Variants in DCUN1D1 observed in about 807,000 individuals in gnomAD.
DCUN1D1 encodes the protein defective in cullin neddylation 1 domain containing 1.
In DCUN1D1, 3 loss-of-function variants were observed where a neutral mutation model predicts 39.0. That is an observed-to-expected ratio of 0.08 (90% confidence interval 0.04 to 0.20). The LOEUF (loss-of-function observed/expected upper bound fraction) is 0.20, where lower values mean the gene tolerates loss of function less well. DCUN1D1 is among the 10% of genes least tolerant of loss of function. The probability of loss-of-function intolerance (pLI) is 1.00; values close to 1 mark genes in which losing one functional copy is unlikely to be tolerated. For missense variants in DCUN1D1, 158 were observed against 302.4 expected, an observed-to-expected ratio of 0.52 and a Z score of 3.54; for synonymous variants, 82 against 96.3, an observed-to-expected ratio of 0.85 and a Z score of 0.87.
Position 182,965,756 on chromosome 3 carries a change from A to G in DCUN1D1, c.4-3T>C, listed in dbSNP as rs143412605. Reference sequence around the variant, plus strand: ...TTCTGCGATGATTTCAACTTGTTCTATTGAAACCAGAAAATAAACTGAAAC... The same window carrying G: ...TTCTGCGATGATTTCAACTTGTTCTGTTGAAACCAGAAAATAAACTGAAAC... On this transcript the variant is annotated splice_polypyrimidine_tract_variant and splice_region_variant and intron_variant, in intron 1 of 6. Transcript: ENST00000292782. The G allele has an allele frequency of 1.1e-3, 1,706 of 1,599,378 alleles. 21 individuals carry two copies. The Admixed American group carries it at 0.016, about 15-fold the overall frequency.
upstream of DCUN1D1, among the ~76,000 whole-genome samples, chr3:182,984,653 GA>G (rs1728668803): frequency 6.6e-6 from 1 of 151,894 alleles, no homozygotes; most frequent in African/African-American, 2.4e-5. Context: ...CTAAAACGAT[GA>G]AAAAATTAAT....
At chr3:182,947,760 C>T (rs1448253049) in intron 4 of DCUN1D1, 128 bp from the exon 5 acceptor site, 2 of 577,942 alleles carry the variant, frequency 3.5e-6, no homozygotes, top group East Asian at 6.4e-5. Flanking sequence ...ATCCTGAATA[C>T]TTATGTATTA....
At chr3:182,984,720 T>G (rs550183423), upstream of DCUN1D1, among the ~76,000 whole-genome samples, 1 of 152,298 alleles carries the variant, frequency 6.6e-6, no homozygotes, top group African/African-American at 2.4e-5. Flanking sequence ...AAATTCATAT[T>G]AAGACATAAT....
rs954395720 is a variant in DCUN1D1, at chr3:182,938,167, A to AT, written c.*6926dup. On this transcript the variant is annotated 3_prime_UTR_variant, in exon 7 of 7. Coordinates refer to ENST00000292782, the MANE Select transcript of DCUN1D1 (RefSeq NM_020640.4). The stretch of plus-strand genomic sequence containing the variant: ...TAACTTGAAAAATATATTCGTTAGA[A>AT]TTTTTTTATTAAGTACATCAAAATT... 6.6e-6 allele frequency: 1 copy of AT among 152,142 alleles called. No individual in the cohort carries two copies. The highest frequency in any genetic ancestry group is 6.6e-5 in the Admixed American group (1 of 15,246). The allele number at this position is 152,142 out of a possible 1,614,324, so 9.4% of individuals were successfully genotyped here.
upstream of DCUN1D1, among the ~76,000 whole-genome samples, chr3:182,982,061 C>T (rs898053496): frequency 1.3e-5 from 2 of 152,204 alleles, no homozygotes; most frequent in African/African-American, 2.4e-5. Flanking sequence ...TTCACTGTAT[C>T]TCTTACTCCA....
At chr3:182,977,042 T>C (rs999552602) in intron 1 of DCUN1D1, among the ~76,000 whole-genome samples, 3 of 152,234 alleles carry the variant, frequency 2.0e-5, no homozygotes, top group Non-Finnish European at 2.9e-5. Flanking sequence ...GATCACCCAT[T>C]AATATGAATT....
At chr3:182,967,859 T>A (rs114549896) in intron 1 of DCUN1D1, among the ~76,000 whole-genome samples, 1,607 of 152,334 alleles carry the variant, frequency 0.011, 30 homozygotes, top group African/African-American at 0.037. Flanking sequence ...CCATTTTGAT[T>A]CCAACTTTTG....
intron 1 of DCUN1D1, among the ~76,000 whole-genome samples, chr3:182,967,354 G>A (rs1014359677): frequency 2.2e-4 from 34 of 151,994 alleles, no homozygotes; most frequent in African/African-American, 8.2e-4. Flanking sequence ...TCATGAATCT[G>A]AGTAATCTTT....
chr3:182,945,894 G>C (rs1272028299), intron 6 of DCUN1D1, among the ~76,000 whole-genome samples: 2 of 152,070 alleles, frequency 1.3e-5, no homozygotes, highest in Admixed American at 1.3e-4. Context: ...TTAGGTATAT[G>C]CAGGATTAAA....
chr3:182,976,824 G>A (rs758624081), intron 1 of DCUN1D1, among the ~76,000 whole-genome samples: 1 of 152,128 alleles, frequency 6.6e-6, no homozygotes, highest in Admixed American at 6.5e-5. Context: ...CTAGCACACA[G>A]CAGACGTATA....
upstream of DCUN1D1, among the ~76,000 whole-genome samples, chr3:182,983,237 C>T (rs576651341): frequency 1.3e-5 from 2 of 152,182 alleles, no homozygotes; most frequent in Admixed American, 6.5e-5. Context: ...TTCTCCAATT[C>T]TCCTATCCCT....
chr3:182,978,167 A>T (rs1012435228), intron 1 of DCUN1D1, among the ~76,000 whole-genome samples: 1 of 152,102 alleles, frequency 6.6e-6, no homozygotes, highest in African/African-American at 2.4e-5. Flanking sequence ...TTACTTATAC[A>T]AAGTATTTCA....
chr3:182,948,017 T>G (rs1414692644), intron 4 of DCUN1D1, among the ~76,000 whole-genome samples: 1 of 152,188 alleles, frequency 6.6e-6, no homozygotes, highest in African/African-American at 2.4e-5. Context: ...TGCTGTCCTG[T>G]GTACTGTAGG....
At chr3:182,960,282 A>G (rs1727316694) in intron 4 of DCUN1D1, among the ~76,000 whole-genome samples, 1 of 20,692 alleles carries the variant, frequency 4.8e-5, no homozygotes, top group South Asian at 1.0e-3. Context: ...TCTGTCTCCA[A>G]AAAAAAAAAT....
At chr3:182,958,928 A>G (rs1727234787) in intron 4 of DCUN1D1, among the ~76,000 whole-genome samples, 1 of 152,236 alleles carries the variant, frequency 6.6e-6, no homozygotes, top group Non-Finnish European at 1.5e-5. Flanking sequence ...GGGTAGCGAT[A>G]TAACTAAGAA....
chr3:182,969,023 G>A (rs1727807352), intron 1 of DCUN1D1, among the ~76,000 whole-genome samples: 1 of 152,200 alleles, frequency 6.6e-6, no homozygotes, highest in Non-Finnish European at 1.5e-5. Context: ...AGTTCTACCA[G>A]GCCAAGAACT....
intron 6 of DCUN1D1, among the ~76,000 whole-genome samples, chr3:182,946,173 C>T (rs544342712): frequency 6.6e-6 from 1 of 152,238 alleles, no homozygotes; most frequent in South Asian, 2.1e-4. Context: ...GTAGCACCAT[C>T]TTTATACATT....
chr3:182,947,067 CA>C (rs1726447384), intron 6 of DCUN1D1, among the ~76,000 whole-genome samples, 170 bp downstream of exon 6: 1 of 152,132 alleles, frequency 6.6e-6, no homozygotes, highest in Non-Finnish European at 1.5e-5. Flanking sequence ...TGCACCAATG[CA>C]CCTACCCTGG....
chr3:182,965,027 T>A (rs964132320), intron 2 of DCUN1D1, among the ~76,000 whole-genome samples: 1 of 152,182 alleles, frequency 6.6e-6, no homozygotes. Flanking sequence ...AAGTTATGCA[T>A]AAAATAAATA....
Sources: gnomAD v4.1 joint callset for allele counts (sites outside exome capture counted in the v4.1 genomes callset) on GRCh38, gnomAD v4.1.1 for gene constraint, MANE v1.5 for transcripts, NCBI Gene and HGNC (gene_info 2026-07-23, HGNC 2026-07-21) for gene names.